Variants in ATXN10 observed in about 807,000 individuals in gnomAD.
ATXN10 encodes ataxin-10.
ATXN10 carries 28 observed loss-of-function variants against 52.9 expected under a neutral mutation model. That is an observed-to-expected ratio of 0.53 (90% CI 0.39 to 0.73). The LOEUF is 0.73. Ranked by LOEUF, ATXN10 falls within the 30% of genes least tolerant of loss-of-function variation. The pLI, the probability that ATXN10 is intolerant of heterozygous loss-of-function variation, is 0.00. For missense variants in ATXN10, 565 were observed against 577.0 expected, an observed-to-expected ratio of 0.98 and a Z score of 0.21; for synonymous variants, 226 against 221.5, an observed-to-expected ratio of 1.02 and a Z score of -0.18.
At position 45,840,504 on chromosome 22, in the gene ATXN10, G is replaced by A. The variant is rs925859267; in HGVS notation, c.1238-2487G>A. On this transcript the variant is annotated intron_variant, in intron 10 of 11. Coordinates refer to ENST00000252934, the MANE Select transcript of ATXN10 (RefSeq NM_013236.4). The surrounding 1 kb of genome is among the most constrained non-coding windows in gnomAD (Gnocchi z 5.8). ...GCAGCAGTGAGGGAAGCACATCCCAGGTCAGGGATTCGTGTGTGCAGAGAC... is the reference window on the plus strand; with the variant it reads ...GCAGCAGTGAGGGAAGCACATCCCAAGTCAGGGATTCGTGTGTGCAGAGAC... Among the ~76,000 whole-genome samples, 6 of 152,192 alleles carry A rather than the reference G, an allele frequency of 3.9e-5. No individual in the cohort carries two copies. The highest frequency in any genetic ancestry group is 1.4e-4 in the African/African-American group (6 of 41,458).
chr22:45,672,027 C>T lies in ATXN10; in HGVS notation c.-37C>T, dbSNP rs1569017077. 1.3e-6 allele frequency: 2 copies of T among 1,529,998 alleles called. No individual in the cohort carries two copies. Among genetic ancestry groups the T allele is most frequent in the Non-Finnish European group, 8.8e-7 (1 of 1,141,906 alleles). The allele number at this position is 1,529,998 out of a possible 1,614,324, so 94.8% of individuals were successfully genotyped here. On this transcript the variant is annotated 5_prime_UTR_variant, in exon 1 of 12. Transcript: ENST00000252934. ...CCCCCTTCGTCCTCCTCGCCTTCCT[C>T]CTCCTCGTCAGGCTCGACCCAGCTG...
At position 45,672,129 on chromosome 22, in the gene ATXN10, C is replaced by T. The variant is rs953586966; in HGVS notation, c.66C>T (p.Asp22=). 21 of 1,540,286 alleles carry T rather than the reference C, an allele frequency of 1.4e-5. No homozygotes were observed. The African/African-American group carries it at 2.2e-4, about 16-fold the overall frequency. Residue 22 remains aspartate, a synonymous_variant, in exon 1 of 12, where the codon GAC becomes GAT. Transcript: ENST00000252934. ...TCATGGTGCCGGCGCCCATCCAAGA[C>T]CTGGAGGCCCTGCGCGCGCTCACGG... ...SGVMVPAPIQ[D]LEALRALTAL...
intron 10 of ATXN10, among the ~76,000 whole-genome samples, chr22:45,834,877 G>A (rs191385801): frequency 6.6e-6 from 1 of 152,274 alleles, no homozygotes; most frequent in Admixed American, 6.5e-5. Flanking sequence ...ATGTGACATT[G>A]GAGTGCTGCC....
chr22:45,717,399 A>G (rs943640041), intron 5 of ATXN10, among the ~76,000 whole-genome samples: 1 of 152,186 alleles, frequency 6.6e-6, no homozygotes, highest in Admixed American at 6.6e-5. Context: ...TGAATTATGA[A>G]TGAGCTTTAA....
chr22:45,758,416 G>A (rs143747181), intron 9 of ATXN10, among the ~76,000 whole-genome samples: 222 of 152,334 alleles, frequency 1.5e-3, no homozygotes, highest in Admixed American at 5.0e-3. Flanking sequence ...TTGAGCTATA[G>A]CCACTGACTT....
At position 45,784,762 on chromosome 22, in the gene ATXN10, A is replaced by G. The variant is rs1182305444; in HGVS notation, c.1174-22197A>G. ...GTGGCAGATTCCCAGCACGGGCTGG[A>G]CACTTGAGCTCCCAGCAAGCCTTTA... On this transcript the variant is annotated intron_variant, in intron 9 of 11. Transcript: ENST00000252934. This position sits in a 1 kb window ranked among gnomAD's most constrained non-coding sequence, Gnocchi z 4.2. Among the ~76,000 whole-genome samples, 3 of 152,252 alleles carry G rather than the reference A, an allele frequency of 2.0e-5. No individual in the cohort carries two copies. Among genetic ancestry groups the G allele is most frequent in the Non-Finnish European group, 4.4e-5 (3 of 68,034 alleles).
chr22:45,777,148 C>G (rs1351478347), intron 9 of ATXN10, among the ~76,000 whole-genome samples: 2 of 152,178 alleles, frequency 1.3e-5, no homozygotes, highest in Non-Finnish European at 2.9e-5. Flanking sequence ...TGATACCTTA[C>G]TTACTGAGAT....
rs1923610967 is a variant in ATXN10 at position 45,696,505 on chromosome 22, G to GC, written c.391+3431dup. Among the ~76,000 whole-genome samples, 1 of 152,228 alleles carries GC rather than the reference G, an allele frequency of 6.6e-6. No homozygotes were observed. Among genetic ancestry groups the GC allele is most frequent in the Non-Finnish European group, 1.5e-5 (1 of 68,042 alleles). ...TTAAATAACTATTAGAATGGAGCCA[G>GC]CCCCTCCACCATGTGCTGGATTTCA... is the stretch of plus-strand genomic sequence containing the variant. On this transcript the variant is annotated intron_variant, in intron 3 of 11. Transcript: ENST00000252934. This position sits in a 1 kb window ranked among gnomAD's most constrained non-coding sequence, Gnocchi z 4.7.
chr22:45,842,349 A>T lies in ATXN10; in HGVS notation c.1238-642A>T, dbSNP rs1929373141. 6.6e-6 allele frequency among the ~76,000 whole-genome samples: 1 copy of T among 152,178 alleles called. No individual in the cohort carries two copies. The highest frequency in any genetic ancestry group is 6.5e-5 in the Admixed American group (1 of 15,282). ...CTGCCAAGCGGAACGTGCCAGGTGA[A>T]CACTTGGGCACAGTGAGCCCCGATG... On this transcript the variant is annotated intron_variant, in intron 10 of 11. Transcript: ENST00000252934. The surrounding 1 kb of genome is among the most constrained non-coding windows in gnomAD (Gnocchi z 4.8).
intron 5 of ATXN10, among the ~76,000 whole-genome samples, chr22:45,711,446 G>T (rs1052569337): frequency 1.3e-5 from 2 of 152,122 alleles, no homozygotes; most frequent in Admixed American, 1.3e-4. Flanking sequence ...TGTGAGAGGG[G>T]ATCTGTGACC....
At position 45,727,388 on chromosome 22, in the gene ATXN10, T is replaced by C. The variant is rs11704660; in HGVS notation, c.729-2037T>C. On this transcript the variant is annotated intron_variant, in intron 6 of 11. Coordinates refer to ENST00000252934, the MANE Select transcript of ATXN10 (RefSeq NM_013236.4). The surrounding 1 kb of genome is among the most constrained non-coding windows in gnomAD (Gnocchi z 4.6). Reference sequence around the variant, plus strand: ...CTATCTATCTATCTGAGACTGAGTCTCGCTCTGTTGCCCAGGCTGGGGTGC... The same window carrying C: ...CTATCTATCTATCTGAGACTGAGTCCCGCTCTGTTGCCCAGGCTGGGGTGC... 7.5e-3 allele frequency among the ~76,000 whole-genome samples: 1,108 copies of C among 146,818 alleles called. 9 individuals are homozygous for C. The highest frequency in any genetic ancestry group is 0.013 in the Non-Finnish European group (877 of 66,388).
chr22:45,749,043 G>A (rs1925844791), intron 9 of ATXN10, among the ~76,000 whole-genome samples: 1 of 152,142 alleles, frequency 6.6e-6, no homozygotes, highest in Non-Finnish European at 1.5e-5. Flanking sequence ...AAAGAAGAAT[G>A]ATACTAATTA....
In ATXN10 at chr22:45,689,940, A is replaced by G. The variant is rs576734331; in HGVS notation, c.308+37A>G. 104 of 1,597,010 alleles carry G rather than the reference A, an allele frequency of 6.5e-5. 2 individuals are homozygous for G. The South Asian group carries it at 1.0e-3, about 16-fold the overall frequency. ...CGTACCTTGGATTCTGTTTCTTTGT[A>G]TATGTGCATGCTGGTTCTGTCATTT... On this transcript the variant is annotated intron_variant, in intron 2 of 11. Transcript: ENST00000252934.
In ATXN10 at chr22:45,738,795, T is replaced by C; in HGVS notation, c.959T>C (p.Leu320Pro). Residue 320 changes from leucine (L) to proline (P), a missense_variant, in exon 8 of 12, where the codon CTC becomes CCC. Transcript: ENST00000252934. The part of the protein sequence containing the change: ...LCEMTVNTEL[L>P]GYLQVFPGLL... ...GAAATGACTGTGAATACTGAGCTGC[T>C]CGGCTATCTGCAGGTTTTCCCTGGC... 3 of 1,614,206 alleles carry C rather than the reference T, an allele frequency of 1.9e-6. No homozygotes were observed. The highest frequency in any genetic ancestry group is 2.5e-6 in the Non-Finnish European group (3 of 1,180,016).
In ATXN10 at chr22:45,817,175, G is replaced by A. The variant is rs543453435; in HGVS notation, c.1237+10153G>A. Among the ~76,000 whole-genome samples the A allele has an allele frequency of 1.8e-4, 27 of 152,200 alleles. No individual in the cohort carries two copies. In the South Asian group the frequency reaches 4.4e-3, roughly 25 times the overall value. ...CCAGCCTTTCTTCCTCTGGAGGGGC[G>A]GCCTCTCTTCCGCTGATTTCTACAT... On this transcript the variant is annotated intron_variant, in intron 10 of 11. Transcript: ENST00000252934.
At chr22:45,703,072 T>C (rs1459982906) in intron 5 of ATXN10, among the ~76,000 whole-genome samples, 3 of 152,202 alleles carry the variant, frequency 2.0e-5, no homozygotes, top group Non-Finnish European at 4.4e-5. Flanking sequence ...AAGAGAATTC[T>C]TTAAGGTGGT....
At position 45,671,884 on chromosome 22, in the gene ATXN10, C is replaced by T; in HGVS notation, c.-180C>T. ...GAGTCTGGGCTCAGCCTAGAGCTCTCCGGCGGCGGCGCAGCTTCAGGGCAG... is the reference window on the plus strand; with the variant it reads ...GAGTCTGGGCTCAGCCTAGAGCTCTTCGGCGGCGGCGCAGCTTCAGGGCAG... On this transcript the variant is annotated 5_prime_UTR_variant, in exon 1 of 12. Transcript: ENST00000252934. 3.1e-6 allele frequency: 2 copies of T among 643,962 alleles called. No homozygotes were observed. Among genetic ancestry groups the T allele is most frequent in the Non-Finnish European group, 5.0e-6 (2 of 396,194 alleles). The allele number at this position is 643,962 out of a possible 1,614,324, so 39.9% of individuals were successfully genotyped here.
At chr22:45,817,703 T>G (rs1423665150) in intron 10 of ATXN10, among the ~76,000 whole-genome samples, 1 of 152,074 alleles carries the variant, frequency 6.6e-6, no homozygotes, top group Admixed American at 6.6e-5. Context: ...ACCAGATCAA[T>G]GAAGACAAAC....
At chr22:45,685,885 T>C (rs907776983) in intron 1 of ATXN10, among the ~76,000 whole-genome samples, 3 of 152,206 alleles carry the variant, frequency 2.0e-5, no homozygotes, top group African/African-American at 7.2e-5. Context: ...CTAAAACATG[T>C]TCTTTGCTCT....
Sources: gnomAD v4.1 joint callset for allele counts (sites outside exome capture counted in the v4.1 genomes callset) on GRCh38, gnomAD v4.1.1 for gene constraint, Gnocchi (gnomAD v3.1) non-coding constraint, MANE v1.5 for transcripts, NCBI Gene and HGNC (gene_info 2026-07-23, HGNC 2026-07-21) for gene names.